The following PDZD2 variants were observed in gnomAD, a reference collection of about 807,000 sequenced individuals.
PDZD2 encodes PDZ domain-containing protein 2.
In PDZD2, 90 loss-of-function variants were observed where a neutral mutation model predicts 220.7. That is an observed-to-expected ratio of 0.41 (90% CI 0.34 to 0.49). PDZD2 has a LOEUF of 0.49. Among genes scored for constraint, PDZD2 ranks in the 20% least tolerant of loss-of-function variants. PDZD2 has a pLI of 0.28. For missense variants in PDZD2, 3,174 were observed against 3,608.5 expected (o/e 0.88, Z 3.08); for synonymous variants, 1,375 against 1,450.5 (o/e 0.95, Z 1.18).
intron 2 of PDZD2, chr5:31,923,259 A>G (rs1744440637): frequency 1.4e-5 from 7 of 505,922 alleles, no homozygotes; most frequent in South Asian, 1.2e-4. Flanking sequence ...GTGAAACTCC[A>G]TCTCAATAAA....
chr5:31,955,996 T>G (rs932340304), intron 2 of PDZD2, among the ~76,000 whole-genome samples: 3 of 152,238 alleles, frequency 2.0e-5, no homozygotes, highest in Non-Finnish European at 4.4e-5. Context: ...ATACTTGATG[T>G]GACTTCAGTC....
intron 7 of PDZD2, among the ~76,000 whole-genome samples, chr5:32,041,471 A>C (rs1363422413): frequency 2.6e-5 from 4 of 152,086 alleles, no homozygotes; most frequent in Non-Finnish European, 4.4e-5. Flanking sequence ...TAGACATAGG[A>C]GACTCCATTT....
chr5:32,035,463 G>A (rs1209355921), intron 6 of PDZD2, among the ~76,000 whole-genome samples: 2 of 151,992 alleles, frequency 1.3e-5, no homozygotes, highest in Admixed American at 6.6e-5. Flanking sequence ...GTTTCACCAT[G>A]TTGGCTAGGC....
At chr5:31,847,400 T>A in intron 2 of PDZD2, 1 of 478,902 alleles carries the variant, frequency 2.1e-6, no homozygotes. Flanking sequence ...TAAAAATAAG[T>A]ACAACACACC....
intron 2 of PDZD2, among the ~76,000 whole-genome samples, chr5:31,876,377 C>A (rs1441610504): frequency 6.6e-6 from 1 of 151,322 alleles, no homozygotes; most frequent in African/African-American, 2.4e-5. Context: ...ATTGCAACCT[C>A]TGCCTCTTGG....
rs755929090 is a variant in PDZD2 at position 32,108,160 on chromosome 5, GTTCTC to G, written c.*30_*34del. 4.6e-6 allele frequency: 7 copies of G among 1,532,602 alleles called. No homozygotes were observed. The highest frequency in any genetic ancestry group is 2.8e-5 in the African/African-American group (2 of 72,656). The allele number at this position is 1,532,602 out of a possible 1,614,324, so 94.9% of individuals were successfully genotyped here. ...AATTTTAACAAGAATCATTTTCTCA[GTTCTC>G]TTCTTTCTTTAGCAAATCAGAGTGA... On this transcript the variant is annotated 3_prime_UTR_variant, in exon 25 of 25. Coordinates refer to ENST00000438447, the MANE Select transcript of PDZD2 (RefSeq NM_178140.4).
intron 2 of PDZD2, among the ~76,000 whole-genome samples, chr5:31,830,168 CT>C (rs11350706): frequency 0.44 from 58,902 of 134,732 alleles, 11,488 homozygotes; most frequent in Non-Finnish European, 0.46. Context: ...AATCCAATGG[CT>C]TTTTTTTTTT....
At chr5:31,749,375 G>T (rs1301351240) in intron 1 of PDZD2, among the ~76,000 whole-genome samples, 1 of 151,746 alleles carries the variant, frequency 6.6e-6, no homozygotes, top group Non-Finnish European at 1.5e-5. Context: ...GTAGACGTCT[G>T]TCTCCATTGT....
rs1278233866 is a variant in PDZD2, at chr5:32,008,017, C to T, written c.1255-2313C>T. Among the ~76,000 whole-genome samples the T allele has an allele frequency of 2.6e-5, 4 of 152,052 alleles. No homozygotes were observed. In the South Asian group the frequency reaches 6.2e-4, roughly 24 times the overall value. ...ATCCAAATGGAGTCTGGGCCGGGCG[C>T]GGTCCCTCATGCCTGTAATCCCAAC... On this transcript the variant is annotated intron_variant, in intron 5 of 24. Transcript: ENST00000438447.
chr5:31,972,434 T>C (rs1408762250), intron 2 of PDZD2, among the ~76,000 whole-genome samples: 1 of 152,140 alleles, frequency 6.6e-6, no homozygotes, highest in Non-Finnish European at 1.5e-5. Flanking sequence ...TTTCTATTTC[T>C]TGTAGCCCAT....
chr5:31,683,471 A>G (rs1256584611), intron 1 of PDZD2, among the ~76,000 whole-genome samples: 2 of 152,204 alleles, frequency 1.3e-5, no homozygotes, highest in Non-Finnish European at 2.9e-5. Flanking sequence ...AAATATGTAC[A>G]TGGTTACAAA....
At chr5:31,721,250 G>A (rs1229799727) in intron 1 of PDZD2, among the ~76,000 whole-genome samples, 1 of 152,120 alleles carries the variant, frequency 6.6e-6, no homozygotes, top group Non-Finnish European at 1.5e-5. Flanking sequence ...TGCCTCCACA[G>A]TGAGTATGCC....
chr5:31,799,348 C>G lies in PDZD2; in HGVS notation c.100C>G (p.Leu34Val). 6.2e-7 allele frequency: 1 copy of G among 1,614,222 alleles called. No individual in the cohort carries two copies. Among genetic ancestry groups the G allele is most frequent in the Non-Finnish European group, 8.5e-7 (1 of 1,180,032 alleles). Residue 34 changes from leucine (L) to valine (V), a missense_variant, in exon 2 of 25, where the codon CTC becomes GTC. Transcript: ENST00000438447. ...QEGGDGPEQRLCQAAIQKLQE... is the reference protein window; with the variant it reads ...QEGGDGPEQRVCQAAIQKLQE... ...AGGTGGGGATGGGCCGGAGCAGCGG[C>G]TCTGCCAGGCGGCCATCCAGAAGCT...
intron 1 of PDZD2, among the ~76,000 whole-genome samples, chr5:31,685,785 C>A (rs1447825241): frequency 2.0e-5 from 3 of 152,180 alleles, no homozygotes; most frequent in African/African-American, 7.2e-5. Context: ...TGGCTTCCCA[C>A]AGTGGGATTA....
chr5:31,948,778 A>T (rs1459734779), intron 2 of PDZD2, among the ~76,000 whole-genome samples: 1 of 152,120 alleles, frequency 6.6e-6, no homozygotes. Flanking sequence ...GGTTGGGTGG[A>T]GTAGGTGAGA....
chr5:31,881,621 A>T (rs879899435), intron 2 of PDZD2, among the ~76,000 whole-genome samples: 2 of 151,214 alleles, frequency 1.3e-5, no homozygotes, highest in Non-Finnish European at 2.9e-5. Context: ...CAGGCGATCC[A>T]CCCACCTCAG....
chr5:32,069,482 C>T (rs1740547750), intron 14 of PDZD2, 87 bp from the exon 15 acceptor site: 3 of 787,572 alleles, frequency 3.8e-6, no homozygotes, highest in East Asian at 2.5e-5. Context: ...TTTATCTGCA[C>T]TTGACTCTGA....
chr5:32,089,846 A>T lies in PDZD2; in HGVS notation c.6398A>T (p.Tyr2133Phe), dbSNP rs199635803. The change falls in exon 20 of 25, where the codon TAT (tyrosine) becomes TTT (phenylalanine). Residue 2133 changes from tyrosine (Y) to phenylalanine (F), a missense_variant. Tyr to Phe is a conservative substitution (Grantham distance 22, BLOSUM62 3). Coordinates refer to ENST00000438447, the MANE Select transcript of PDZD2 (RefSeq NM_178140.4). ...CAGGAGAAGAGTGAAATCAGGCTCT[A>T]TCGCCAGGTCGCAGAATCATCCACA... ...NCQEKSEIRL[Y>F]RQVAESSTSH... The T allele has an allele frequency of 6.2e-6, 10 of 1,613,294 alleles. No homozygotes were observed. The African/African-American group carries it at 1.1e-4, about 17-fold the overall frequency.
At chr5:31,663,023 G>C (rs1295792574) in intron 1 of PDZD2, among the ~76,000 whole-genome samples, 1 of 152,120 alleles carries the variant, frequency 6.6e-6, no homozygotes, top group Non-Finnish European at 1.5e-5. Flanking sequence ...TCAGGCCACG[G>C]CACCACCTCT....
Sources: gnomAD v4.1 joint callset for allele counts (sites outside exome capture counted in the v4.1 genomes callset) on GRCh38, gnomAD v4.1.1 for gene constraint, MANE v1.5 for transcripts, NCBI Gene and HGNC (gene_info 2026-07-23, HGNC 2026-07-21) for gene names.